TLK2: variants seen among roughly 807,000 people sequenced by gnomAD.
TLK2 encodes the protein serine/threonine-protein kinase tousled-like 2.
Under a neutral mutation model 117.3 loss-of-function variants are expected in TLK2, and 6 were observed. The ratio of observed to expected loss-of-function variants is 0.05; its 90% CI spans 0.03 to 0.10. TLK2 has a LOEUF of 0.10. Ranked by LOEUF, TLK2 falls within the 10% of genes least tolerant of loss-of-function variation. The probability of loss-of-function intolerance (pLI) is 1.00; values close to 1 mark genes in which losing one functional copy is unlikely to be tolerated. For missense variants in TLK2, 299 were observed against 901.2 expected (o/e 0.33, Z 8.56); for synonymous variants, 257 against 316.7 (o/e 0.81, Z 2.00).
intron 21 of TLK2, among the ~76,000 whole-genome samples, chr17:62,611,638 AT>A (rs910043850): frequency 2.6e-5 from 4 of 152,208 alleles, no homozygotes; most frequent in Admixed American, 6.5e-5. Flanking sequence ...GATGTTTTAG[AT>A]TTTTTTAAAT....
intron 12 of TLK2, chr17:62,574,205 C>G (rs961148737): frequency 1.3e-5 from 18 of 1,338,636 alleles, no homozygotes; most frequent in Non-Finnish European, 1.7e-5. Flanking sequence ...TCTGTGGCAT[C>G]CTAGAAGTGC....
intron 2 of TLK2, among the ~76,000 whole-genome samples, chr17:62,499,755 G>A (rs8075932): frequency 0.024 from 3,708 of 151,928 alleles, 140 homozygotes; most frequent in African/African-American, 0.084. Context: ...GGAGGCTGAG[G>A]CATGAGAATT....
chr17:62,586,224 C>A lies in TLK2; in HGVS notation c.1458C>A (p.His486Gln), dbSNP rs866444617. Residue 486 changes from histidine (H) to glutamine (Q), a missense_variant and splice_region_variant, in exon 16 of 22, where the codon CAC becomes CAA. Physicochemically the swap from His to Gln is conservative, Grantham distance 24. Transcript: ENST00000346027. ...GAGATGAGAAAAAGGAGAATTACCA[C>A]AAGTAAGTGATACTTGAGTGTCTGA... The part of the protein sequence containing the change: ...NWRDEKKENY[H>Q]KHACREYRIH... 8.7e-6 allele frequency: 14 copies of A among 1,605,004 alleles called. No homozygotes were observed. The highest frequency in any genetic ancestry group is 9.4e-6 in the Non-Finnish European group (11 of 1,172,818).
chr17:62,483,468 A>C (rs1160666852), intron 2 of TLK2, among the ~76,000 whole-genome samples: 1 of 152,194 alleles, frequency 6.6e-6, no homozygotes, highest in African/African-American at 2.4e-5. Flanking sequence ...CATAGAAAGA[A>C]GTTCTCTGTA....
At chr17:62,612,271 T>G (rs986308217) in intron 21 of TLK2, 121 bp from the exon 22 acceptor site, 1 of 1,099,652 alleles carries the variant, frequency 9.1e-7, no homozygotes, top group Non-Finnish European at 1.3e-6. Flanking sequence ...AGGAAGGCCT[T>G]AAGCCCCTTC....
chr17:62,608,213 G>T (rs1000249159), intron 21 of TLK2, 65 bp downstream of exon 21: 2 of 1,263,040 alleles, frequency 1.6e-6, no homozygotes, highest in South Asian at 2.6e-5. Flanking sequence ...TACTTTTTTG[G>T]GTAATAGTGG....
In TLK2 at chr17:62,580,199, A is replaced by G. The variant is rs750639021; in HGVS notation, c.1368+7A>G. ...TTTCAGTGAAGTTTACAAGGTAAGT[A>G]TAAGGAACTGGATACAAAGACTGGG... On this transcript the variant is annotated splice_region_variant and intron_variant, in intron 15 of 21. Transcript: ENST00000346027. 2.5e-6 allele frequency: 4 copies of G among 1,604,190 alleles called. No individual in the cohort carries two copies. Among genetic ancestry groups the G allele is most frequent in the East Asian group, 2.2e-5 (1 of 44,686 alleles).
chr17:62,576,785 A>G lies in TLK2; in HGVS notation c.1188+10A>G, dbSNP rs1355642210. ...AGGTCATCTTAAAAAGGTAAGTATAATGAGAAAATCTCCCTGGAGAAATGT... is the reference window on the plus strand; with the variant it reads ...AGGTCATCTTAAAAAGGTAAGTATAGTGAGAAAATCTCCCTGGAGAAATGT... On this transcript the variant is annotated intron_variant, in intron 13 of 21. Coordinates refer to ENST00000346027, the MANE Select transcript of TLK2 (RefSeq NM_006852.6). The G allele has an allele frequency of 6.3e-7, 1 of 1,599,498 alleles. No individual in the cohort carries two copies. The highest frequency in any genetic ancestry group is 8.6e-7 in the Non-Finnish European group (1 of 1,168,278).
intron 6 of TLK2, among the ~76,000 whole-genome samples, chr17:62,527,173 G>A (rs983579204): frequency 5.3e-5 from 8 of 152,282 alleles, no homozygotes; most frequent in African/African-American, 1.9e-4. Context: ...TCATCAGGTT[G>A]TTGCTCAAAA....
At chr17:62,512,857 T>A (rs975968759) in intron 2 of TLK2, among the ~76,000 whole-genome samples, 2 of 107,278 alleles carry the variant, frequency 1.9e-5, no homozygotes, top group East Asian at 2.6e-4. Flanking sequence ...TTTAAAAATT[T>A]ATTAATTATT....
chr17:62,516,883 T>C, intron 2 of TLK2: 1 of 680,340 alleles, frequency 1.5e-6, no homozygotes, highest in East Asian at 2.7e-5. Flanking sequence ...AACTTTCATT[T>C]CATTTGCATG....
chr17:62,487,620 C>CTTTTTTTT (rs71155932), intron 2 of TLK2, among the ~76,000 whole-genome samples: 1 of 104,310 alleles, frequency 9.6e-6, no homozygotes. Flanking sequence ...TGGCAAGTAT[C>CTTTTTTTT]TTTTTTTTTT....
intron 2 of TLK2, among the ~76,000 whole-genome samples, chr17:62,510,919 C>T (rs1460049094): frequency 6.6e-6 from 1 of 152,108 alleles, no homozygotes; most frequent in Non-Finnish European, 1.5e-5. Context: ...ATTATTATTA[C>T]TTTACAATAA....
At chr17:62,607,742 G>A (rs149725265) in intron 20 of TLK2, among the ~76,000 whole-genome samples, 207 of 152,252 alleles carry the variant, frequency 1.4e-3, no homozygotes, top group African/African-American at 4.7e-3. Flanking sequence ...TCCTGCTCTA[G>A]ATCTCCCTTT....
At chr17:62,589,486 T>C (rs903801820) in intron 16 of TLK2, among the ~76,000 whole-genome samples, 1 of 152,322 alleles carries the variant, frequency 6.6e-6, no homozygotes, top group East Asian at 1.9e-4. Flanking sequence ...GGATTATAAG[T>C]TGAAAGTTGA....
chr17:62,580,245 C>T, intron 15 of TLK2, 53 bp downstream of exon 15: 2 of 1,364,922 alleles, frequency 1.5e-6, no homozygotes, highest in East Asian at 4.7e-5. Flanking sequence ...TCGGCTCCTA[C>T]CAACTTGGAG....
intron 2 of TLK2, among the ~76,000 whole-genome samples, chr17:62,512,213 CTTTTTTTTTT>C (rs35913164): frequency 2.5e-5 from 1 of 40,616 alleles, no homozygotes; most frequent in Non-Finnish European, 4.5e-5. Flanking sequence ...ATCACCCCTC[CTTTTTTTTTT>C]TTTTTTTTTT....
chr17:62,519,701 T>C (rs1030685126), intron 2 of TLK2, among the ~76,000 whole-genome samples: 1 of 152,176 alleles, frequency 6.6e-6, no homozygotes, highest in African/African-American at 2.4e-5. Flanking sequence ...CTACTGTGTA[T>C]GGAATTATTT....
intron 2 of TLK2, among the ~76,000 whole-genome samples, chr17:62,489,174 CGTGTGTGTGTGT>C (rs59470331): frequency 3.6e-5 from 5 of 140,738 alleles, no homozygotes; most frequent in African/African-American, 1.1e-4. Flanking sequence ...TTTAATTGTA[CGTGTGTGTGTGT>C]GTGTGTGTGT....
Sources: allele counts gnomAD v4.1 joint callset (sites outside exome capture counted in the v4.1 genomes callset), GRCh38; gene constraint gnomAD v4.1.1; transcripts MANE v1.5; gene names NCBI Gene and HGNC (gene_info 2026-07-23, HGNC 2026-07-21).